PUDP: variants seen among roughly 807,000 people sequenced by gnomAD.
PUDP encodes the protein pseudouridine 5'-phosphatase.
Under a neutral mutation model 9.4 loss-of-function variants are expected in PUDP, and 8 were observed. That is an observed-to-expected ratio of 0.85 (90% CI 0.50 to 1.53). PUDP has a LOEUF of 1.53. Ranked by LOEUF, PUDP falls within the 40% of genes most tolerant of loss-of-function variation. The pLI is 0.00. For synonymous variants in PUDP, 99 were observed against 80.7 expected, an observed-to-expected ratio of 1.23 and a Z score of -1.22; for missense variants, 188 against 189.7, an observed-to-expected ratio of 0.99 and a Z score of 0.05.
intron 3 of PUDP, among the ~76,000 whole-genome samples, chrX:6,876,290 C>T (rs1264217434): frequency 9.0e-6 from 1 of 111,274 alleles, no homozygotes; most frequent in Non-Finnish European, 1.9e-5. Flanking sequence ...TTAAGGCAAG[C>T]TGGGCTAAGC....
At chrX:6,926,626 T>C (rs949248748) in intron 3 of PUDP, among the ~76,000 whole-genome samples, 1 of 112,369 alleles carries the variant, frequency 8.9e-6, no homozygotes, top group Non-Finnish European at 1.9e-5. Flanking sequence ...AATTGCAAGA[T>C]AGCTATATCT....
intron 3 of PUDP, among the ~76,000 whole-genome samples, chrX:6,738,206 T>C (rs1170152555): frequency 2.7e-5 from 3 of 111,621 alleles, no homozygotes; most frequent in Non-Finnish European, 5.6e-5. Flanking sequence ...CAAGAGTTCT[T>C]AGACACTCAG....
At chrX:6,752,026 G>C (rs1925097813) in intron 3 of PUDP, among the ~76,000 whole-genome samples, 1 of 111,071 alleles carries the variant, frequency 9.0e-6, no homozygotes, top group African/African-American at 3.3e-5. Flanking sequence ...CTCTTCTTCA[G>C]TCCCTAGCAG....
intron 2 of PUDP, among the ~76,000 whole-genome samples, chrX:7,084,444 TG>T (rs1391096193): frequency 1.8e-5 from 2 of 111,987 alleles, no homozygotes; most frequent in Admixed American, 1.9e-4. Context: ...GTGTGCAGCA[TG>T]GAATAGAAAG....
At chrX:6,960,527 G>T (rs767748119) in intron 3 of PUDP, among the ~76,000 whole-genome samples, 2 of 111,726 alleles carry the variant, frequency 1.8e-5, no homozygotes, top group African/African-American at 6.5e-5. Flanking sequence ...CCCAATCTTG[G>T]ACTTCCCGGC....
intron 1 of PUDP, among the ~76,000 whole-genome samples, chrX:7,106,232 A>G (rs1186286617): frequency 8.8e-6 from 1 of 113,056 alleles, no homozygotes; most frequent in Non-Finnish European, 1.9e-5. Flanking sequence ...GACAAAGTCC[A>G]CTGCATGGCC....
At chrX:6,819,194 A>T (rs1926298421) in intron 3 of PUDP, among the ~76,000 whole-genome samples, 1 of 112,056 alleles carries the variant, frequency 8.9e-6, no homozygotes, top group Non-Finnish European at 1.9e-5. Flanking sequence ...GGCATAAGCC[A>T]ACAACACAAA....
intron 3 of PUDP, among the ~76,000 whole-genome samples, chrX:6,747,924 A>G (rs1053917554): frequency 1.8e-5 from 2 of 112,084 alleles, no homozygotes; most frequent in African/African-American, 6.5e-5. Flanking sequence ...GGGTGTGAAG[A>G]TGTTCTATGA....
At chrX:6,897,869 C>T (rs1927615421) in intron 3 of PUDP, among the ~76,000 whole-genome samples, 1 of 111,358 alleles carries the variant, frequency 9.0e-6, no homozygotes, top group Non-Finnish European at 1.9e-5. Context: ...ATTTCAACAT[C>T]AAAAACTTGC....
chrX:6,776,027 G>A (rs939275861), intron 3 of PUDP, among the ~76,000 whole-genome samples: 2 of 111,850 alleles, frequency 1.8e-5, no homozygotes, highest in South Asian at 3.7e-4. Context: ...CCTTTCTCAC[G>A]GTGGCTGTGC....
rs772700347 is a variant in PUDP, at chrX:6,789,198, G to A, written c.*248-82732C>T. ...CCAGCTACTAGGGAGGCTGAGGCAG[G>A]AGAATCGCTTGAACCCAGGAGGTAG... On this transcript the variant is annotated intron_variant and NMD_transcript_variant, in intron 3 of 3. Coordinates refer to the PUDP transcript ENST00000655425. Among the ~76,000 whole-genome samples the A allele has an allele frequency of 5.4e-5, 6 of 110,947 alleles. No individual in the cohort carries two copies. In the South Asian group the frequency reaches 1.2e-3, roughly 21 times the overall value.
chrX:6,980,785 A>G (rs1929021785), intron 1 of PUDP, among the ~76,000 whole-genome samples: 1 of 111,817 alleles, frequency 8.9e-6, no homozygotes, highest in South Asian at 3.8e-4. Flanking sequence ...TTTACATTGT[A>G]TGAAGTATTC....
rs764795458 is a variant in PUDP, at chrX:6,958,146, G to A, written c.*247+18987C>T. 1.4e-4 allele frequency among the ~76,000 whole-genome samples: 16 copies of A among 112,106 alleles called. No individual in the cohort carries two copies. The South Asian group carries it at 1.5e-3, about 11-fold the overall frequency. On this transcript the variant is annotated intron_variant and NMD_transcript_variant, in intron 3 of 3. Transcript: ENST00000655425. Reference sequence around the variant, plus strand: ...ACGCGTCCACCCTACTGCTGTGTCCGGTTTCCATTGGCTGGAATGGGACCT... The same window carrying A: ...ACGCGTCCACCCTACTGCTGTGTCCAGTTTCCATTGGCTGGAATGGGACCT...
chrX:7,136,189 T>C (rs1316524160), intron 1 of PUDP, among the ~76,000 whole-genome samples: 4 of 111,766 alleles, frequency 3.6e-5, no homozygotes, highest in African/African-American at 9.8e-5. Flanking sequence ...TGACACCCCC[T>C]CCCGTGTTCC....
chrX:7,106,105 T>C (rs1197319642), intron 1 of PUDP, among the ~76,000 whole-genome samples: 4 of 112,570 alleles, frequency 3.6e-5, no homozygotes, highest in African/African-American at 1.3e-4. Flanking sequence ...ATTATTGTGT[T>C]TTCTGTTTAA....
At chrX:6,843,692 C>T (rs749230691) in intron 3 of PUDP, among the ~76,000 whole-genome samples, 6 of 111,928 alleles carry the variant, frequency 5.4e-5, no homozygotes, top group African/African-American at 1.9e-4. Context: ...CCTATGGGAA[C>T]CATGCCCCTC....
At chrX:6,885,418 A>C (rs1927407442) in intron 3 of PUDP, among the ~76,000 whole-genome samples, 1 of 112,097 alleles carries the variant, frequency 8.9e-6, no homozygotes, top group South Asian at 3.7e-4. Flanking sequence ...CTAGACTTTG[A>C]TGTACCCGTG....
intron 3 of PUDP, among the ~76,000 whole-genome samples, chrX:6,815,934 CT>C (rs1052953002): frequency 1.9e-5 from 2 of 106,804 alleles, no homozygotes; most frequent in Non-Finnish European, 3.8e-5. Context: ...ATATATGGGG[CT>C]TTATATATAT....
At chrX:6,712,560 G>A (rs1924545963) in intron 1 of PUDP, among the ~76,000 whole-genome samples, 2 of 112,043 alleles carry the variant, frequency 1.8e-5, no homozygotes, top group African/African-American at 6.5e-5. Context: ...TAGGCAACAG[G>A]CAGTAAGATG....
Sources: gnomAD v4.1 joint callset for allele counts (sites outside exome capture counted in the v4.1 genomes callset) on GRCh38, gnomAD v4.1.1 for gene constraint, MANE v1.5 for transcripts, NCBI Gene and HGNC (gene_info 2026-07-23, HGNC 2026-07-21) for gene names.